ZNF674: variants seen among roughly 807,000 people sequenced by gnomAD.
ZNF674 encodes zinc finger family member 674.
Under a neutral mutation model 7.0 loss-of-function variants are expected in ZNF674, and 2 were observed. That is an observed-to-expected ratio of 0.29 (90% CI 0.12 to 0.90). The LOEUF is 0.90. ZNF674 is among the 40% of genes least tolerant of loss of function. The pLI is 0.57. For missense variants in ZNF674, 297 were observed against 415.5 expected, an observed-to-expected ratio of 0.71 and a Z score of 2.48; for synonymous variants, 103 against 145.2, an observed-to-expected ratio of 0.71 and a Z score of 2.09.
intron 3 of ZNF674, among the ~76,000 whole-genome samples, chrX:46,530,142 G>C (rs1308040048): frequency 9.0e-6 from 1 of 111,527 alleles, no homozygotes; most frequent in Non-Finnish European, 1.9e-5. Flanking sequence ...GCCCACACTT[G>C]GTGGCCTTCA....
At chrX:46,527,196 G>A (rs1408425737) in intron 5 of ZNF674, among the ~76,000 whole-genome samples, 1 of 108,460 alleles carries the variant, frequency 9.2e-6, no homozygotes, top group African/African-American at 3.4e-5. Flanking sequence ...CCCAGGAGGC[G>A]AGGTTGCAGT....
intron 2 of ZNF674, among the ~76,000 whole-genome samples, chrX:46,542,830 T>G (rs931855354): frequency 8.9e-6 from 1 of 112,572 alleles, no homozygotes; most frequent in African/African-American, 3.2e-5. Flanking sequence ...AAAGATGGTT[T>G]CTGAACTTTG....
At chrX:46,518,979 G>A (rs1941825988) in intron 5 of ZNF674, among the ~76,000 whole-genome samples, 1 of 109,049 alleles carries the variant, frequency 9.2e-6, no homozygotes, top group Admixed American at 1.0e-4. Context: ...TGAGGTGGGT[G>A]GATCACCTGA....
intron 5 of ZNF674, among the ~76,000 whole-genome samples, chrX:46,504,209 G>A (rs1941485099): frequency 8.9e-6 from 1 of 111,751 alleles, no homozygotes; most frequent in South Asian, 3.7e-4. Context: ...ACCAATAAAG[G>A]TATGGAAAGT....
At position 46,518,337 on chromosome X, in the gene ZNF674, T is replaced by A. The variant is rs748360561; in HGVS notation, c.238+10013A>T. ...TCGAAAACTGTAACATGAAAGAAAT[T>A]AAAGATATCTATACTGTTGTAAAGC... On this transcript the variant is annotated intron_variant, in intron 5 of 5. Coordinates refer to ENST00000683375, the MANE Select transcript of ZNF674 (RefSeq NM_001190417.2). Among the ~76,000 whole-genome samples the A allele has an allele frequency of 2.7e-5, 3 of 112,084 alleles. No homozygotes were observed. In the East Asian group the frequency reaches 8.3e-4, roughly 31 times the overall value.
At chrX:46,525,369 G>A (rs749056403) in intron 5 of ZNF674, 41 of 229,528 alleles carry the variant, frequency 1.8e-4, no homozygotes, top group East Asian at 3.9e-4. Flanking sequence ...TTGGGAGGCC[G>A]AGGCAGGCAG....
At position 46,498,097 on chromosome X, in the gene ZNF674, TA is replaced by T. The variant is rs1371702215; in HGVS notation, c.*1745del. On this transcript the variant is annotated 3_prime_UTR_variant, in exon 6 of 6. Transcript: ENST00000683375. ...TAATCATATGGTTATTGTTTTATAA[TA>T]TTTTTTACCTAATGATTTACCACGA... 9.0e-6 allele frequency: 1 copy of T among 111,450 alleles called. No homozygotes were observed. The highest frequency in any genetic ancestry group is 1.9e-5 in the Non-Finnish European group (1 of 53,073). 9.2% of individuals were successfully genotyped at this position (111,450 alleles called of 1,213,427 possible). A position where few individuals can be genotyped will look rare whatever the true frequency, so the allele number is the denominator to read the frequency against.
chrX:46,512,765 CAA>C (rs59242903), intron 5 of ZNF674, among the ~76,000 whole-genome samples: 1 of 74,839 alleles, frequency 1.3e-5, no homozygotes. Context: ...CTCCATCTCA[CAA>C]AAAAAAAAAA....
At chrX:46,533,829 A>AAAAAAAT (rs1415090691) in intron 3 of ZNF674, among the ~76,000 whole-genome samples, 6 of 65,567 alleles carry the variant, frequency 9.2e-5, no homozygotes, top group Non-Finnish European at 1.2e-4. Context: ...AAAAAAAAAA[A>AAAAAAAT]ATATATATAT....
At chrX:46,521,893 AAAAAG>A (rs1255518918) in intron 5 of ZNF674, among the ~76,000 whole-genome samples, 3 of 108,651 alleles carry the variant, frequency 2.8e-5, no homozygotes, top group African/African-American at 3.3e-5. Context: ...TGTCTCAAAA[AAAAAG>A]AAAAGAATAG....
intron 3 of ZNF674, among the ~76,000 whole-genome samples, chrX:46,540,729 G>A (rs1371115430): frequency 3.6e-5 from 4 of 111,492 alleles, no homozygotes; most frequent in Non-Finnish European, 5.6e-5. Context: ...AGAGCAAGTA[G>A]ATACAGAGAA....
chrX:46,507,798 C>T (rs1305476806), intron 5 of ZNF674, among the ~76,000 whole-genome samples: 1 of 111,865 alleles, frequency 8.9e-6, no homozygotes, highest in Non-Finnish European at 1.9e-5. Context: ...CACAGTGAAA[C>T]ATTTCAAATA....
At chrX:46,524,679 C>T (rs192782927) in intron 5 of ZNF674, among the ~76,000 whole-genome samples, 276 of 100,783 alleles carry the variant, frequency 2.7e-3, no homozygotes, top group African/African-American at 9.8e-3. Flanking sequence ...ACAGAGATTC[C>T]GTCTCGAAAA....
chrX:46,504,207 A>G (rs758961072), intron 5 of ZNF674, among the ~76,000 whole-genome samples: 27 of 112,093 alleles, frequency 2.4e-4, no homozygotes, highest in Non-Finnish European at 4.5e-4. Context: ...CCACCAATAA[A>G]GGTATGGAAA....
At chrX:46,509,449 A>G (rs1941605287) in intron 5 of ZNF674, among the ~76,000 whole-genome samples, 1 of 107,306 alleles carries the variant, frequency 9.3e-6, no homozygotes, top group Non-Finnish European at 1.9e-5. Context: ...CAAGAAAAAA[A>G]CAAACAACCC....
chrX:46,518,702 C>T (rs1430891510), intron 5 of ZNF674, among the ~76,000 whole-genome samples: 5 of 98,510 alleles, frequency 5.1e-5, no homozygotes, highest in African/African-American at 1.9e-4. Flanking sequence ...GGTGAAACCC[C>T]GTCTCTACTA....
intron 5 of ZNF674, among the ~76,000 whole-genome samples, chrX:46,512,300 TGCGG>T (rs896049118): frequency 1.1e-4 from 12 of 110,286 alleles, no homozygotes; most frequent in Admixed American, 1.1e-3. Flanking sequence ...AGGTGGCAGT[TGCGG>T]TGAGCCGAGA....
At chrX:46,505,177 C>T (rs1389653220) in intron 5 of ZNF674, among the ~76,000 whole-genome samples, 2 of 111,762 alleles carry the variant, frequency 1.8e-5, no homozygotes, top group East Asian at 2.8e-4. Context: ...CGTGAGCCAC[C>T]GTGCCTGGCC....
Position 46,528,851 on chromosome X carries a change from A to C in ZNF674, c.74T>G (p.Leu25Arg), listed in dbSNP as rs180994790. The change falls in exon 4 of 6, where the codon CTG (leucine) becomes CGG (arginine). Residue 25 changes from leucine to arginine, a missense_variant. Transcript: ENST00000683375. ...GTAGAGGTTCTTCTGGGCAGAGTCC[A>C]GTTGCTGCCACTCCTCCAGGGTGAA... Reference protein sequence around the residue: ...VDFTLEEWQQLDSAQKNLYRD... With the variant: ...VDFTLEEWQQRDSAQKNLYRD... 1,930 of 1,209,732 alleles carry C rather than the reference A, an allele frequency of 1.6e-3. 1 individual carries two copies. Among genetic ancestry groups the C allele is most frequent in the Non-Finnish European group, 2.0e-3 (1,829 of 895,123 alleles).
Sources: gnomAD v4.1 joint callset for allele counts (sites outside exome capture counted in the v4.1 genomes callset) on GRCh38, gnomAD v4.1.1 for gene constraint, MANE v1.5 for transcripts, NCBI Gene and HGNC (gene_info 2026-07-23, HGNC 2026-07-21) for gene names.